PTGIS: variants seen among roughly 807,000 people sequenced by gnomAD.
The protein encoded by PTGIS is prostaglandin I2 synthase.
Under a neutral mutation model 50.3 loss-of-function variants are expected in PTGIS, and 45 were observed. That is an observed-to-expected ratio of 0.90 (90% confidence interval 0.70 to 1.15). PTGIS has a LOEUF of 1.15. Ranked by LOEUF, PTGIS falls within the 50% of genes most tolerant of loss-of-function variation. The pLI is 0.00. For synonymous variants in PTGIS, 260 were observed against 267.7 expected, an observed-to-expected ratio of 0.97 and a Z score of 0.28; for missense variants, 668 against 661.3, an observed-to-expected ratio of 1.01 and a Z score of -0.11.
At chr20:49,553,081 T>C (rs1417647203) in intron 1 of PTGIS, among the ~76,000 whole-genome samples, 1 of 152,140 alleles carries the variant, frequency 6.6e-6, no homozygotes, top group Non-Finnish European at 1.5e-5. Context: ...AATAAGCTGG[T>C]TTTAAAATTA....
intron 9 of PTGIS, among the ~76,000 whole-genome samples, chr20:49,510,546 GTC>G (rs1367282020): frequency 6.6e-6 from 1 of 152,130 alleles, no homozygotes; most frequent in East Asian, 1.9e-4. Context: ...CAGGGCAGAT[GTC>G]ATAACCCCTG....
intron 6 of PTGIS, among the ~76,000 whole-genome samples, chr20:49,521,724 G>A (rs1176536530): frequency 6.6e-6 from 1 of 152,190 alleles, no homozygotes; most frequent in Non-Finnish European, 1.5e-5. Context: ...CGATGGGAGA[G>A]GAATTACCCA....
intron 5 of PTGIS, among the ~76,000 whole-genome samples, chr20:49,527,651 G>A (rs1420713878): frequency 6.6e-6 from 1 of 152,150 alleles, no homozygotes; most frequent in Non-Finnish European, 1.5e-5. Context: ...TTAGAATCAT[G>A]AAAAGTTTCT....
Position 49,508,083 on chromosome 20 carries a change from G to C in PTGIS, c.1359-19C>G. 6.2e-7 allele frequency: 1 copy of C among 1,613,182 alleles called. No homozygotes were observed. The highest frequency in any genetic ancestry group is 8.5e-7 in the Non-Finnish European group (1 of 1,179,976). ...CACAAATCTGCAGAGAGATGGCATG[G>C]AAGGTGTGAAGGAGAGGAGTAGGGC... On this transcript the variant is annotated intron_variant, in intron 9 of 9. Transcript: ENST00000244043.
At chr20:49,530,011 G>T (rs1431076719) in intron 5 of PTGIS, among the ~76,000 whole-genome samples, 1 of 152,010 alleles carries the variant, frequency 6.6e-6, no homozygotes, top group African/African-American at 2.4e-5. Context: ...AAAATTAGCT[G>T]GGTGTGGTGG....
chr20:49,503,994 T>C lies in PTGIS; in HGVS notation c.*3926A>G, dbSNP rs551303946. The C allele has an allele frequency of 2.6e-5, 4 of 152,332 alleles. No individual in the cohort carries two copies. The East Asian group carries it at 5.8e-4, about 22-fold the overall frequency. 9.4% of individuals were successfully genotyped at this position (152,332 alleles called of 1,614,324 possible). On this transcript the variant is annotated 3_prime_UTR_variant, in exon 10 of 10. Transcript: ENST00000244043. ...AATCACTGCTACTCAGGAAACACTGTGTTTATTCTTTTTAATCATCAAAAT... is the reference window on the plus strand; with the variant it reads ...AATCACTGCTACTCAGGAAACACTGCGTTTATTCTTTTTAATCATCAAAAT...
chr20:49,523,694 A>G (rs1024957489), intron 6 of PTGIS, among the ~76,000 whole-genome samples: 1 of 151,936 alleles, frequency 6.6e-6, no homozygotes, highest in Non-Finnish European at 1.5e-5. Context: ...CATGAGAATC[A>G]CTTGAACCTG....
chr20:49,537,065 G>A (rs1002546188), intron 5 of PTGIS, among the ~76,000 whole-genome samples: 4 of 152,176 alleles, frequency 2.6e-5, no homozygotes, highest in African/African-American at 9.7e-5. Context: ...CCAGGCCTCT[G>A]CTGCAAGTCT....
At chr20:49,532,600 G>A (rs752168708) in intron 5 of PTGIS, among the ~76,000 whole-genome samples, 54 of 152,230 alleles carry the variant, frequency 3.5e-4, no homozygotes, top group Non-Finnish European at 4.9e-4. Flanking sequence ...CCTAATAAAC[G>A]CTATATTATT....
chr20:49,510,813 A>C (rs986458655), intron 9 of PTGIS, among the ~76,000 whole-genome samples: 7 of 152,186 alleles, frequency 4.6e-5, no homozygotes, highest in Non-Finnish European at 8.8e-5. Context: ...TGATTATTTC[A>C]AAAGAAATCC....
intron 1 of PTGIS, among the ~76,000 whole-genome samples, chr20:49,553,056 A>G (rs1447612096): frequency 1.6e-4 from 25 of 152,180 alleles, no homozygotes; most frequent in Admixed American, 1.6e-3. Flanking sequence ...ACATGACTTA[A>G]GTAAATCTTT....
intron 1 of PTGIS, 63 bp from the exon 2 acceptor site, chr20:49,550,252 T>G: frequency 6.3e-7 from 1 of 1,592,004 alleles, no homozygotes; most frequent in Non-Finnish European, 8.5e-7. Flanking sequence ...AGAGTGTAGG[T>G]TGCAGAGTGT....
chr20:49,517,300 C>T (rs1981510440), intron 6 of PTGIS, among the ~76,000 whole-genome samples: 2 of 152,190 alleles, frequency 1.3e-5, no homozygotes, highest in Admixed American at 6.5e-5. Context: ...TTTTATCTGG[C>T]CCAGATGGTT....
intron 6 of PTGIS, 129 bp downstream of exon 6, chr20:49,523,925 CTACA>C: frequency 5.2e-6 from 6 of 1,145,138 alleles, no homozygotes; most frequent in Non-Finnish European, 7.6e-6. Context: ...AAATGCACAC[CTACA>C]TACACATGCA....
At chr20:49,528,417 G>A (rs996819095) in intron 5 of PTGIS, among the ~76,000 whole-genome samples, 4 of 152,084 alleles carry the variant, frequency 2.6e-5, no homozygotes, top group Non-Finnish European at 4.4e-5. Context: ...TTCGAGACCA[G>A]CCTGGCCAAC....
At chr20:49,539,766 A>G (rs766434560) in intron 4 of PTGIS, 45 bp from the exon 5 acceptor site, 1 of 1,589,334 alleles carries the variant, frequency 6.3e-7, no homozygotes, top group South Asian at 1.1e-5. Flanking sequence ...TGGGACACTC[A>G]TGTGTGGCCA....
In PTGIS at chr20:49,547,765, G is replaced by T. The variant is rs1408843078; in HGVS notation, c.377+76C>A. 9 of 1,510,814 alleles carry T rather than the reference G, an allele frequency of 6.0e-6. No homozygotes were observed. The East Asian group carries it at 2.0e-4, about 34-fold the overall frequency. 93.6% of individuals were successfully genotyped at this position (1,510,814 alleles called of 1,614,324 possible). On this transcript the variant is annotated intron_variant, in intron 3 of 9. Coordinates refer to ENST00000244043, the MANE Select transcript of PTGIS (RefSeq NM_000961.4). ...TACCGAACATTTGCTTTGGAACCAA[G>T]AATAACTTGGGCCACATGAGTAGAA...
rs533906110 is a variant in PTGIS at position 49,557,843 on chromosome 20, C to T, written c.75-7654G>A. On this transcript the variant is annotated intron_variant, in intron 1 of 9. Coordinates refer to ENST00000244043, the MANE Select transcript of PTGIS (RefSeq NM_000961.4). Reference sequence around the variant, plus strand: ...ATACATCATTGACTATCGCCCTACCCGTTCCTTTTCTCTTGTGACATGGGG... The same window carrying T: ...ATACATCATTGACTATCGCCCTACCTGTTCCTTTTCTCTTGTGACATGGGG... 5.3e-5 allele frequency among the ~76,000 whole-genome samples: 8 copies of T among 152,234 alleles called. No individual in the cohort carries two copies. The South Asian group carries it at 1.5e-3, about 28-fold the overall frequency.
intron 6 of PTGIS, among the ~76,000 whole-genome samples, chr20:49,515,027 AC>A (rs1487830799): frequency 6.6e-6 from 1 of 152,090 alleles, no homozygotes; most frequent in East Asian, 1.9e-4. Context: ...AGACCCACAG[AC>A]CCGTGAGTTA....
Sources: allele counts gnomAD v4.1 joint callset (sites outside exome capture counted in the v4.1 genomes callset), GRCh38; gene constraint gnomAD v4.1.1; transcripts MANE v1.5; gene names NCBI Gene and HGNC (gene_info 2026-07-23, HGNC 2026-07-21).